Variants in DNAJC1 observed in about 807,000 individuals in gnomAD.
DNAJC1 encodes dnaJ homolog subfamily C member 1.
DNAJC1 carries 58 observed loss-of-function variants against 76.6 expected under a neutral mutation model. The observed-to-expected ratio is 0.76, with a 90% CI of 0.61 to 0.94. DNAJC1 has a LOEUF of 0.94. Among genes scored for constraint, DNAJC1 ranks in the 40% least tolerant of loss-of-function variants. The pLI is 0.00. For synonymous variants in DNAJC1, 258 were observed against 267.9 expected, an observed-to-expected ratio of 0.96 and a Z score of 0.36; for missense variants, 689 against 677.3, an observed-to-expected ratio of 1.02 and a Z score of -0.19.
intron 10 of DNAJC1, among the ~76,000 whole-genome samples, chr10:21,762,128 G>A (rs1317658676): frequency 1.3e-5 from 2 of 152,038 alleles, no homozygotes; most frequent in Non-Finnish European, 2.9e-5. Flanking sequence ...TAGAACAGAC[G>A]AGGTTTCACC....
Position 21,837,192 on chromosome 10 carries a change from C to T in DNAJC1, c.979-31093G>A, listed in dbSNP as rs540373678. On this transcript the variant is annotated intron_variant, in intron 8 of 11. Coordinates refer to ENST00000376980, the MANE Select transcript of DNAJC1 (RefSeq NM_022365.4). ...CCTCCCGAGGTGCCGGGATTGCAGACGGAGTCTCGTTCACTCAGTGCTCAA... is the reference window on the plus strand; with the variant it reads ...CCTCCCGAGGTGCCGGGATTGCAGATGGAGTCTCGTTCACTCAGTGCTCAA... Among the ~76,000 whole-genome samples the T allele has an allele frequency of 7.4e-3, 1,132 of 152,200 alleles. 6 individuals carry two copies. The highest frequency in any genetic ancestry group is 0.012 in the Non-Finnish European group (806 of 67,994).
At chr10:21,901,895 A>T (rs1590040463) in intron 7 of DNAJC1, among the ~76,000 whole-genome samples, 1 of 152,130 alleles carries the variant, frequency 6.6e-6, no homozygotes, top group East Asian at 1.9e-4. Context: ...ACATTGGGGG[A>T]TTTGGGGCCT....
intron 8 of DNAJC1, among the ~76,000 whole-genome samples, chr10:21,821,223 G>C (rs561967429): frequency 6.6e-6 from 1 of 151,830 alleles, no homozygotes; most frequent in East Asian, 1.9e-4. Context: ...CAGGAGGTCA[G>C]AGAGAGAGAG....
intron 8 of DNAJC1, among the ~76,000 whole-genome samples, chr10:21,840,287 A>T (rs530056060): frequency 6.6e-6 from 1 of 152,344 alleles, no homozygotes; most frequent in East Asian, 1.9e-4. Flanking sequence ...AAGGGTATTC[A>T]GTTAGGAAAA....
chr10:21,786,451 TATATATATATATAG>T lies in DNAJC1; in HGVS notation c.1098+19515_1098+19528del, dbSNP rs779244824. 6.2e-3 allele frequency among the ~76,000 whole-genome samples: 593 copies of T among 95,512 alleles called. 4 individuals are homozygous for T. The highest frequency in any genetic ancestry group is 0.011 in the African/African-American group (267 of 24,018). The allele number at this position is 95,512 out of a possible 152,430, so 62.7% of individuals were successfully genotyped here. A position where few individuals can be genotyped will look rare whatever the true frequency, so the allele number is the denominator to read the frequency against. ...GAATATATATATATATATATATATA[TATATATATATATAG>T]AGAGAGAGAGAGAGAGAGAGAGAGA... On this transcript the variant is annotated intron_variant, in intron 9 of 11. Coordinates refer to ENST00000376980, the MANE Select transcript of DNAJC1 (RefSeq NM_022365.4).
chr10:21,850,934 C>T (rs1835741008), intron 8 of DNAJC1, among the ~76,000 whole-genome samples: 1 of 152,108 alleles, frequency 6.6e-6, no homozygotes, highest in Admixed American at 6.6e-5. Context: ...GAAACAGTCT[C>T]TTCAACAAAT....
chr10:21,799,304 G>T (rs1301767947), intron 9 of DNAJC1, among the ~76,000 whole-genome samples: 1 of 151,734 alleles, frequency 6.6e-6, no homozygotes. Context: ...TGTTGTTGTT[G>T]TTTTTTTGTT....
chr10:21,763,699 G>T (rs1008625501), intron 10 of DNAJC1, among the ~76,000 whole-genome samples: 13 of 151,870 alleles, frequency 8.6e-5, no homozygotes, highest in African/African-American at 3.1e-4. Context: ...AAGCCTCTGT[G>T]TAATAGGAAA....
chr10:21,758,132 T>C (rs1365185852), intron 11 of DNAJC1, among the ~76,000 whole-genome samples: 2 of 152,124 alleles, frequency 1.3e-5, no homozygotes, highest in African/African-American at 2.4e-5. Flanking sequence ...CATTTTAAAG[T>C]AGGTGGAGAA....
chr10:21,872,642 G>C (rs1343729907), intron 8 of DNAJC1, among the ~76,000 whole-genome samples: 1 of 151,908 alleles, frequency 6.6e-6, no homozygotes, highest in Non-Finnish European at 1.5e-5. Flanking sequence ...AGAATAAAAA[G>C]GAATAAAGGA....
At chr10:21,911,397 T>G (rs1320657119) in intron 6 of DNAJC1, among the ~76,000 whole-genome samples, 1 of 151,846 alleles carries the variant, frequency 6.6e-6, no homozygotes, top group East Asian at 1.9e-4. Context: ...AATCTCAGAA[T>G]TACATATAAT....
At chr10:21,809,950 G>T (rs1834938082) in intron 8 of DNAJC1, among the ~76,000 whole-genome samples, 1 of 151,302 alleles carries the variant, frequency 6.6e-6, no homozygotes, top group African/African-American at 2.4e-5. Context: ...ATGTGTGTGT[G>T]TATGTGTGTG....
chr10:21,826,773 G>A (rs1324062481), intron 8 of DNAJC1, among the ~76,000 whole-genome samples: 1 of 152,140 alleles, frequency 6.6e-6, no homozygotes. Context: ...TCTCCACACT[G>A]AATGATCTTG....
At chr10:21,946,018 A>G (rs555122650) in intron 1 of DNAJC1, among the ~76,000 whole-genome samples, 22 of 151,850 alleles carry the variant, frequency 1.4e-4, no homozygotes, top group African/African-American at 5.3e-4. Context: ...CTAACTGCTG[A>G]ATAAAATAAT....
chr10:21,999,931 A>G (rs902220532), intron 1 of DNAJC1, among the ~76,000 whole-genome samples: 1 of 152,152 alleles, frequency 6.6e-6, no homozygotes, highest in Non-Finnish European at 1.5e-5. Context: ...GTAACTCTAC[A>G]CCTGAATAAC....
intron 6 of DNAJC1, among the ~76,000 whole-genome samples, chr10:21,912,672 C>T (rs1284696232): frequency 1.3e-5 from 2 of 152,040 alleles, no homozygotes; most frequent in Non-Finnish European, 2.9e-5. Context: ...AGCAAGCTGC[C>T]TCATCCCTTG....
chr10:21,923,497 T>C (rs1263695985), intron 3 of DNAJC1, among the ~76,000 whole-genome samples: 1 of 151,960 alleles, frequency 6.6e-6, no homozygotes, highest in Admixed American at 6.6e-5. Context: ...TGCTCTGTAT[T>C]TGGGATTCAT....
At chr10:21,904,059 T>C (rs539750052) in intron 7 of DNAJC1, among the ~76,000 whole-genome samples, 48 of 152,326 alleles carry the variant, frequency 3.2e-4, no homozygotes, top group African/African-American at 1.1e-3. Flanking sequence ...CTTTTCAACA[T>C]ACTGATAATT....
At chr10:21,838,010 G>A (rs2131676135) in intron 8 of DNAJC1, among the ~76,000 whole-genome samples, 1 of 148,756 alleles carries the variant, frequency 6.7e-6, no homozygotes, top group East Asian at 2.1e-4. Context: ...GGAGGTGGGG[G>A]GCGTCTCCGC....
Sources: gnomAD v4.1 joint callset for allele counts (sites outside exome capture counted in the v4.1 genomes callset) on GRCh38, gnomAD v4.1.1 for gene constraint, MANE v1.5 for transcripts, NCBI Gene and HGNC (gene_info 2026-07-23, HGNC 2026-07-21) for gene names.